SLC7A13: variants seen among roughly 807,000 people sequenced by gnomAD.
The protein encoded by SLC7A13 is X-amino acid transporter 2.
In SLC7A13, 31 loss-of-function variants were observed where a neutral mutation model predicts 32.0. The ratio of observed to expected loss-of-function variants is 0.97; its 90% confidence interval spans 0.73 to 1.31. The LOEUF is 1.31. Ranked by LOEUF, SLC7A13 falls within the 50% of genes most tolerant of loss-of-function variation. SLC7A13 has a pLI of 0.00. For missense variants in SLC7A13, 633 were observed against 546.9 expected (o/e 1.16, Z -1.57); for synonymous variants, 232 against 206.9 (o/e 1.12, Z -1.04).
At chr8:86,228,712 G>T (rs558834428) in intron 1 of SLC7A13, among the ~76,000 whole-genome samples, 1 of 152,032 alleles carries the variant, frequency 6.6e-6, no homozygotes. Flanking sequence ...CAGGCATCGT[G>T]GTGCACACGT....
chr8:86,217,236 A>G (rs1368273278), intron 3 of SLC7A13, among the ~76,000 whole-genome samples: 2 of 152,200 alleles, frequency 1.3e-5, no homozygotes, highest in African/African-American at 4.8e-5. Context: ...CCAACCACCC[A>G]GAGAACTATT....
At chr8:86,228,534 CAG>C (rs1164754972) in intron 1 of SLC7A13, among the ~76,000 whole-genome samples, 1 of 152,020 alleles carries the variant, frequency 6.6e-6, no homozygotes, top group Non-Finnish European at 1.5e-5. Flanking sequence ...CTTCCACACT[CAG>C]ATAATTTTTT....
At chr8:86,215,058 T>G (rs1251687304) in intron 3 of SLC7A13, among the ~76,000 whole-genome samples, 1 of 152,162 alleles carries the variant, frequency 6.6e-6, no homozygotes, top group East Asian at 1.9e-4. Flanking sequence ...TCAGACTGTC[T>G]GTTACACAGG....
chr8:86,228,939 T>G (rs1820437679), intron 1 of SLC7A13, among the ~76,000 whole-genome samples: 1 of 152,062 alleles, frequency 6.6e-6, no homozygotes, highest in Non-Finnish European at 1.5e-5. Flanking sequence ...TTTCAGCCTC[T>G]CAAAGCATTG....
At chr8:86,226,879 T>C (rs1339104684) in intron 1 of SLC7A13, among the ~76,000 whole-genome samples, 1 of 152,210 alleles carries the variant, frequency 6.6e-6, no homozygotes, top group Non-Finnish European at 1.5e-5. Context: ...ACTTTTCCAC[T>C]CAGTGACAGC....
At chr8:86,229,521 A>G in intron 1 of SLC7A13, 72 bp downstream of exon 1, 6 of 1,291,714 alleles carry the variant, frequency 4.6e-6, no homozygotes, top group East Asian at 2.3e-5. Flanking sequence ...TCAAAATACA[A>G]CAAATGATAT....
At chr8:86,216,278 C>A (rs1020840553) in intron 3 of SLC7A13, among the ~76,000 whole-genome samples, 5 of 152,164 alleles carry the variant, frequency 3.3e-5, no homozygotes, top group Non-Finnish European at 7.4e-5. Flanking sequence ...AGGCAGGCAC[C>A]TCCAAGGGGG....
rs1441239974 is a variant in SLC7A13 at position 86,229,957 on chromosome 8, T to A, written c.321A>T (p.Val107=). 1 of 1,614,046 alleles carries A rather than the reference T, an allele frequency of 6.2e-7. No homozygotes were observed. Among genetic ancestry groups the A allele is most frequent in the Admixed American group, 1.7e-5 (1 of 59,992 alleles). Residue 107 remains valine, a synonymous_variant, in exon 1 of 4, where the codon GTA becomes GTT. Transcript: ENST00000297524. ...CAAGGAGCAGAGCTTGGCCAGCAAC[T>A]ACCCCTGACCCCAGAAACAAGGATG... is the stretch of plus-strand genomic sequence containing the variant. The part of the protein sequence containing the change: ...LWTSLFLGSG[V]VAGQALLLAE...
At chr8:86,217,324 A>G in intron 3 of SLC7A13, 146 bp downstream of exon 3, 3 of 753,608 alleles carry the variant, frequency 4.0e-6, no homozygotes. Context: ...ACGAAAATTA[A>G]AACCAAGACT....
rs142635591 is a variant in SLC7A13 at position 86,228,500 on chromosome 8, A to G, written c.685+1093T>C. ...AGCGATCCTCCCACCTCAGCCTCTTAGTAGCTAGGACTAAAAGTGTGCACT... is the reference window on the plus strand; with the variant it reads ...AGCGATCCTCCCACCTCAGCCTCTTGGTAGCTAGGACTAAAAGTGTGCACT... On this transcript the variant is annotated intron_variant, in intron 1 of 3. Coordinates refer to ENST00000297524, the MANE Select transcript of SLC7A13 (RefSeq NM_138817.3). Among the ~76,000 whole-genome samples, 161 of 152,198 alleles carry G rather than the reference A, an allele frequency of 1.1e-3. 1 individual carries two copies. Among genetic ancestry groups the G allele is most frequent in the African/African-American group, 3.7e-3 (152 of 41,510 alleles).
intron 3 of SLC7A13, among the ~76,000 whole-genome samples, chr8:86,216,274 G>A (rs778259998): frequency 1.3e-5 from 2 of 152,168 alleles, no homozygotes; most frequent in African/African-American, 4.8e-5. Flanking sequence ...CGTTAGGCAG[G>A]CACCTCCAAG....
chr8:86,224,650 C>A lies in SLC7A13; in HGVS notation c.686-1547G>T, dbSNP rs545934784. Among the ~76,000 whole-genome samples, 65 of 152,278 alleles carry A rather than the reference C, an allele frequency of 4.3e-4. 1 individual carries two copies. Among genetic ancestry groups the A allele is most frequent in the Non-Finnish European group, 7.5e-4 (51 of 68,028 alleles). ...TCCTACCCTGAGAATTGCTCTGTGG[C>A]ATGAAGAAATGATCATCTATAACCT... On this transcript the variant is annotated intron_variant, in intron 1 of 3. Coordinates refer to ENST00000297524, the MANE Select transcript of SLC7A13 (RefSeq NM_138817.3).
intron 3 of SLC7A13, among the ~76,000 whole-genome samples, chr8:86,216,864 G>C (rs1403052234): frequency 1.3e-5 from 2 of 152,130 alleles, no homozygotes; most frequent in Admixed American, 1.3e-4. Flanking sequence ...AGGCAACTAA[G>C]ATTATTTTAT....
rs1480328514 is a variant in SLC7A13 at position 86,217,466 on chromosome 8, T to C, written c.1179+4A>G. 6.5e-7 allele frequency: 1 copy of C among 1,530,704 alleles called. No individual in the cohort carries two copies. Among genetic ancestry groups the C allele is most frequent in the East Asian group, 2.3e-5 (1 of 44,028 alleles). 94.8% of individuals were successfully genotyped at this position (1,530,704 alleles called of 1,614,324 possible). ...ACAGAAAAGAATTAGAAATCCAATT[T>C]TACCTTATAAGGTATAGATAGATTG... On this transcript the variant is annotated splice_donor_region_variant and intron_variant, in intron 3 of 3. Coordinates refer to ENST00000297524, the MANE Select transcript of SLC7A13 (RefSeq NM_138817.3).
At chr8:86,221,391 T>A (rs1189847144) in intron 2 of SLC7A13, among the ~76,000 whole-genome samples, 1 of 152,212 alleles carries the variant, frequency 6.6e-6, no homozygotes, top group Non-Finnish European at 1.5e-5. Flanking sequence ...TTTTCATGTA[T>A]GACTGATTAT....
chr8:86,223,489 G>C (rs1410956049), intron 1 of SLC7A13, among the ~76,000 whole-genome samples: 5 of 152,026 alleles, frequency 3.3e-5, no homozygotes, highest in Admixed American at 3.3e-4. Context: ...TGCTGAAAAA[G>C]ACATGATTTC....
At chr8:86,222,256 G>A (rs1016482615) in intron 2 of SLC7A13, among the ~76,000 whole-genome samples, 2 of 152,154 alleles carry the variant, frequency 1.3e-5, no homozygotes, top group African/African-American at 4.8e-5. Flanking sequence ...TTTATCTTGT[G>A]AGGTCGTTTA....
chr8:86,228,652 C>A (rs1016171909), intron 1 of SLC7A13, among the ~76,000 whole-genome samples: 2 of 152,058 alleles, frequency 1.3e-5, no homozygotes, highest in Non-Finnish European at 2.9e-5. Context: ...TCGAGACCAA[C>A]CTGGCCAACA....
Position 86,217,704 on chromosome 8 carries a change from A to T in SLC7A13, c.945T>A (p.Tyr315Ter). The change falls in exon 3 of 4, where the codon TAT becomes TAA. Residue 315 changes from tyrosine to a stop codon, truncating the protein, a stop_gained. Coordinates refer to ENST00000297524, the MANE Select transcript of SLC7A13 (RefSeq NM_138817.3). LOFTEE classifies it high-confidence loss of function. Reference sequence around the variant, plus strand: ...GCAGCTGGCCCTCTTGGCTTGCAAGATATATTGGTCTCGATGATTTAAATA... The same window carrying T: ...GCAGCTGGCCCTCTTGGCTTGCAAGTTATATTGGTCTCGATGATTTAAATA... ...ISIFKSSRPI[Y>*]LASQEGQLPL... is the part of the protein sequence containing the mutation. 3 of 1,613,544 alleles carry T rather than the reference A, an allele frequency of 1.9e-6. No individual in the cohort carries two copies. The highest frequency in any genetic ancestry group is 1.7e-6 in the Non-Finnish European group (2 of 1,179,672).
Sources: allele counts gnomAD v4.1 joint callset (sites outside exome capture counted in the v4.1 genomes callset), GRCh38; gene constraint gnomAD v4.1.1; transcripts MANE v1.5; gene names NCBI Gene and HGNC (gene_info 2026-07-23, HGNC 2026-07-21).